Variants in MYO16 observed in about 807,000 individuals in gnomAD.
The protein encoded by MYO16 is myosin XVI.
Under a neutral mutation model 205.3 loss-of-function variants are expected in MYO16, and 94 were observed. The observed-to-expected ratio is 0.46, with a 90% CI of 0.39 to 0.54. The LOEUF (loss-of-function observed/expected upper bound fraction) is 0.54. Ranked by LOEUF, MYO16 falls within the 20% of genes least tolerant of loss-of-function variation. MYO16 has a pLI of 0.00. For missense variants in MYO16, 2,315 were observed against 2,387.5 expected (o/e 0.97, Z 0.63); for synonymous variants, 988 against 954.0 (o/e 1.04, Z -0.66).
At chr13:108,544,883 C>T in the MYO16 span, among the ~76,000 whole-genome samples, 408 of 152,314 alleles carry the variant, frequency 2.7e-3, 3 homozygotes, top group African/African-American at 9.1e-3. Flanking sequence ...GCTTATTCCA[C>T]TTAACATAAT....
intron 27 of MYO16, among the ~76,000 whole-genome samples, chr13:109,092,732 A>G (rs1417650060): frequency 6.6e-6 from 1 of 152,252 alleles, no homozygotes; most frequent in African/African-American, 2.4e-5. Context: ...TAAAAGTTAA[A>G]AAAAGTCACC....
chr13:108,762,694 G>T (rs1885649177), intron 4 of MYO16, among the ~76,000 whole-genome samples: 1 of 152,184 alleles, frequency 6.6e-6, no homozygotes, highest in Admixed American at 6.5e-5. Context: ...AAATGTGGAA[G>T]AAAACCTCAA....
the MYO16 span, among the ~76,000 whole-genome samples, chr13:108,518,021 T>C: frequency 6.6e-6 from 1 of 152,112 alleles, no homozygotes; most frequent in Admixed American, 6.5e-5. Context: ...CCTAATGTTA[T>C]CCTGTTGGGT....
intron 27 of MYO16, among the ~76,000 whole-genome samples, chr13:109,056,609 T>C (rs1887426524): frequency 6.6e-6 from 1 of 152,130 alleles, no homozygotes; most frequent in Non-Finnish European, 1.5e-5. Flanking sequence ...ATAATGGCCA[T>C]TCAGTGCTTG....
At chr13:108,978,159 TC>T (rs1884333434) in intron 20 of MYO16, among the ~76,000 whole-genome samples, 1 of 152,044 alleles carries the variant, frequency 6.6e-6, no homozygotes, top group African/African-American at 2.4e-5. Flanking sequence ...TATGTAGAAA[TC>T]CTGCTGACTT....
chr13:108,923,633 C>G (rs1053171426), intron 16 of MYO16, among the ~76,000 whole-genome samples: 1 of 152,210 alleles, frequency 6.6e-6, no homozygotes, highest in African/African-American at 2.4e-5. Flanking sequence ...TTTCACTGCC[C>G]CAATGCGGCC....
intron 4 of MYO16, among the ~76,000 whole-genome samples, chr13:108,775,102 C>T (rs9514905): frequency 0.34 from 51,256 of 152,004 alleles, 9,883 homozygotes; most frequent in East Asian, 0.63. Flanking sequence ...ATAAAACAAC[C>T]ATGTGTATGG....
upstream of MYO16, among the ~76,000 whole-genome samples, chr13:108,592,261 G>A (rs1236155546): frequency 1.9e-5 from 2 of 106,290 alleles, no homozygotes; most frequent in African/African-American, 7.8e-5. Flanking sequence ...GTTGTGTGAG[G>A]TACGTGTGGG....
At chr13:108,997,360 GAGAGAGAGAGAGAGAGAGAGAGAGAGA>G (rs1885054808) in intron 21 of MYO16, among the ~76,000 whole-genome samples, 14 of 5,620 alleles carry the variant, frequency 2.5e-3, no homozygotes, top group East Asian at 0.042. Context: ...GAGAGAGAGA[GAGAGAGAGAGAGAGAGAGAGAGAGAGA>G]GAGGGAGGGA....
intron 1 of MYO16, among the ~76,000 whole-genome samples, chr13:108,656,597 T>C (rs1388198526): frequency 6.6e-6 from 1 of 152,246 alleles, no homozygotes; most frequent in Non-Finnish European, 1.5e-5. Context: ...GATTGAAACA[T>C]AATTCATCCA....
At chr13:108,548,355 CGAT>C in the MYO16 span, among the ~76,000 whole-genome samples, 5 of 146,896 alleles carry the variant, frequency 3.4e-5, no homozygotes, top group South Asian at 4.3e-4. Flanking sequence ...ATGACGCTGA[CGAT>C]GATGATGGTG....
chr13:108,547,620 C>T, the MYO16 span, among the ~76,000 whole-genome samples: 1 of 152,154 alleles, frequency 6.6e-6, no homozygotes, highest in Non-Finnish European at 1.5e-5. Context: ...CTAAGTGCAA[C>T]ATAATGTACT....
chr13:108,591,190 G>A (rs1216396949), upstream of MYO16, among the ~76,000 whole-genome samples: 1 of 152,136 alleles, frequency 6.6e-6, no homozygotes, highest in East Asian at 1.9e-4. Flanking sequence ...CACCAGGAGA[G>A]TCCCAGGAGT....
chr13:108,531,159 ATAGT>A, the MYO16 span, among the ~76,000 whole-genome samples: 1 of 152,198 alleles, frequency 6.6e-6, no homozygotes. Flanking sequence ...AGTGGAGAAG[ATAGT>A]TTAAGGTGAG....
In MYO16 at chr13:108,752,808, A is replaced by ATTTTT. The variant is rs58645882; in HGVS notation, c.507+25246_507+25250dup. On this transcript the variant is annotated intron_variant, in intron 4 of 34. Coordinates refer to ENST00000457511, the MANE Select transcript of MYO16 (RefSeq NM_001198950.3). The stretch of plus-strand genomic sequence containing the variant: ...AGACACCTGCCACCGTGCCCAGCTA[A>ATTTTT]TTTTTTTTTTTTTTTTTTTTTTTTT... Among the ~76,000 whole-genome samples, 96 of 90,316 alleles carry ATTTTT rather than the reference A, an allele frequency of 1.1e-3. 4 individuals carry two copies. Among genetic ancestry groups the ATTTTT allele is most frequent in the East Asian group, 1.5e-3 (4 of 2,628 alleles). The allele number at this position is 90,316 out of a possible 152,430, so 59.3% of individuals were successfully genotyped here.
At chr13:108,747,616 A>G (rs1465212126) in intron 4 of MYO16, among the ~76,000 whole-genome samples, 1 of 152,192 alleles carries the variant, frequency 6.6e-6, no homozygotes, top group Non-Finnish European at 1.5e-5. Context: ...AAGAAGAGAA[A>G]ATAGAAACGA....
At chr13:108,858,589 C>T (rs1439464750) in intron 11 of MYO16, among the ~76,000 whole-genome samples, 2 of 152,164 alleles carry the variant, frequency 1.3e-5, no homozygotes, top group Middle Eastern at 3.2e-3. Flanking sequence ...GAAGGCCACC[C>T]CCACTGCTGC....
intron 4 of MYO16, among the ~76,000 whole-genome samples, chr13:108,753,082 A>C (rs1435565948): frequency 6.6e-6 from 1 of 151,894 alleles, no homozygotes; most frequent in Non-Finnish European, 1.5e-5. Context: ...TAGTAGCAAT[A>C]AAATAATCCA....
At chr13:108,842,172 C>T (rs1262171152) in intron 9 of MYO16, among the ~76,000 whole-genome samples, 1 of 151,930 alleles carries the variant, frequency 6.6e-6, no homozygotes, top group African/African-American at 2.4e-5. Flanking sequence ...ATGGATATGA[C>T]ACCAGAAGAA....
Sources: gnomAD v4.1 joint callset for allele counts (sites outside exome capture counted in the v4.1 genomes callset) on GRCh38, gnomAD v4.1.1 for gene constraint, MANE v1.5 for transcripts, NCBI Gene and HGNC (gene_info 2026-07-23, HGNC 2026-07-21) for gene names.